KIF26B: variants seen among roughly 807,000 people sequenced by gnomAD.
The protein encoded by KIF26B is kinesin family member 26B.
A neutral mutation model predicts 151.2 loss-of-function variants in KIF26B; 63 were observed. That is an observed-to-expected ratio of 0.42 (90% confidence interval 0.34 to 0.51). KIF26B has a LOEUF of 0.51. KIF26B is among the 20% of genes least tolerant of loss of function. KIF26B has a pLI of 0.07. For missense variants in KIF26B, 2,813 were observed against 2,913.6 expected (o/e 0.97, Z 0.79); for synonymous variants, 1,357 against 1,262.1 (o/e 1.08, Z -1.59).
chr1:245,571,282 C>G (rs1278040323), intron 5 of KIF26B, among the ~76,000 whole-genome samples: 1 of 152,146 alleles, frequency 6.6e-6, no homozygotes, highest in Non-Finnish European at 1.5e-5. Flanking sequence ...GGGCTCCCCT[C>G]CCAAGCCCCA....
intron 10 of KIF26B, among the ~76,000 whole-genome samples, chr1:245,666,790 C>T (rs1240855786): frequency 2.6e-5 from 4 of 151,946 alleles, no homozygotes; most frequent in Non-Finnish European, 5.9e-5. Context: ...TCAAATATCC[C>T]GTTGGGATCA....
chr1:245,346,001 C>T (rs1172907607), intron 2 of KIF26B, among the ~76,000 whole-genome samples: 2 of 148,524 alleles, frequency 1.3e-5, no homozygotes, highest in African/African-American at 2.5e-5. Flanking sequence ...GGCATGATCT[C>T]GGCTCACTGC....
intron 2 of KIF26B, among the ~76,000 whole-genome samples, chr1:245,224,361 C>T (rs1005437157): frequency 6.6e-6 from 1 of 152,110 alleles, no homozygotes; most frequent in African/African-American, 2.4e-5. Context: ...CGTAGTAGCA[C>T]GATTGTCTTC....
intron 4 of KIF26B, among the ~76,000 whole-genome samples, chr1:245,484,085 C>T (rs56389949): frequency 0.015 from 2,246 of 151,836 alleles, 67 homozygotes; most frequent in African/African-American, 0.051. Flanking sequence ...GCTGATCCCA[C>T]GCCATTTTTT....
At chr1:245,647,328 G>A (rs1236723295) in intron 10 of KIF26B, among the ~76,000 whole-genome samples, 1 of 150,802 alleles carries the variant, frequency 6.6e-6, no homozygotes, top group Non-Finnish European at 1.5e-5. Context: ...AGGAGGCTGA[G>A]GCAGGAGAAT....
chr1:245,682,999 A>G (rs2044459232), intron 10 of KIF26B, among the ~76,000 whole-genome samples: 3 of 152,186 alleles, frequency 2.0e-5, no homozygotes. Flanking sequence ...ATATTCTTAC[A>G]TTGCTCTGGA....
intron 4 of KIF26B, among the ~76,000 whole-genome samples, chr1:245,449,602 G>A (rs921351528): frequency 5.3e-5 from 8 of 152,174 alleles, no homozygotes; most frequent in African/African-American, 1.9e-4. Flanking sequence ...AAGTGAATAT[G>A]AGCTGGGAAG....
chr1:245,189,511 G>A (rs1212151894), intron 2 of KIF26B, among the ~76,000 whole-genome samples: 2 of 152,214 alleles, frequency 1.3e-5, no homozygotes, highest in Non-Finnish European at 2.9e-5. Context: ...ACAATTGGAT[G>A]TGCTGGAAAT....
intron 2 of KIF26B, among the ~76,000 whole-genome samples, chr1:245,157,187 C>CTG (rs991236802): frequency 6.6e-6 from 1 of 152,232 alleles, no homozygotes; most frequent in Non-Finnish European, 1.5e-5. Context: ...CCTTCTCAGT[C>CTG]TGTGTGTGTG....
At chr1:245,223,633 A>G (rs1283917710) in intron 2 of KIF26B, among the ~76,000 whole-genome samples, 1 of 152,228 alleles carries the variant, frequency 6.6e-6, no homozygotes, top group Non-Finnish European at 1.5e-5. Flanking sequence ...GAATAACAAC[A>G]GATGCACGCT....
At chr1:245,326,237 C>T (rs1671988623) in intron 2 of KIF26B, among the ~76,000 whole-genome samples, 1 of 152,196 alleles carries the variant, frequency 6.6e-6, no homozygotes, top group Non-Finnish European at 1.5e-5. Flanking sequence ...AGTTTATCTC[C>T]TGACTTCCTT....
At chr1:245,465,612 G>A (rs552826736) in intron 4 of KIF26B, among the ~76,000 whole-genome samples, 2 of 152,298 alleles carry the variant, frequency 1.3e-5, no homozygotes, top group East Asian at 3.9e-4. Flanking sequence ...CAGCTCTCTA[G>A]AGTCACCAAC....
In KIF26B at chr1:245,320,505, G is replaced by A. The variant is rs540583802; in HGVS notation, c.466-46329G>A. Among the ~76,000 whole-genome samples, 4 of 152,206 alleles carry A rather than the reference G, an allele frequency of 2.6e-5. No homozygotes were observed. The South Asian group carries it at 8.3e-4, about 32-fold the overall frequency. ...TAACTAAAGTTTATAGTTTATGTTA[G>A]GGTTCACTCTTTGTCTTGTACATTG... On this transcript the variant is annotated intron_variant, in intron 2 of 14. Coordinates refer to ENST00000407071, the MANE Select transcript of KIF26B (RefSeq NM_018012.4).
intron 4 of KIF26B, among the ~76,000 whole-genome samples, chr1:245,507,101 C>T (rs1026110012): frequency 6.6e-6 from 1 of 152,182 alleles, no homozygotes; most frequent in Non-Finnish European, 1.5e-5. Context: ...ACTGACACCT[C>T]TAGAGATAAA....
intron 3 of KIF26B, among the ~76,000 whole-genome samples, chr1:245,381,453 G>A (rs187817120): frequency 8.5e-5 from 13 of 152,266 alleles, no homozygotes; most frequent in Admixed American, 6.5e-5. Context: ...ACACGAGTTC[G>A]TAAATTTTCT....
At chr1:245,478,549 T>C (rs2363900) in intron 4 of KIF26B, among the ~76,000 whole-genome samples, 117,682 of 149,844 alleles carry the variant, frequency 0.79, 46,589 homozygotes, top group Non-Finnish European at 0.79. Context: ...TGCCTCAGCC[T>C]CCCGAGTAGC....
At chr1:245,344,426 C>T (rs1421879595) in intron 2 of KIF26B, among the ~76,000 whole-genome samples, 4 of 136,530 alleles carry the variant, frequency 2.9e-5, no homozygotes, top group African/African-American at 5.4e-5. Flanking sequence ...ACCCGGAGGG[C>T]GGAGCCTGCA....
intron 9 of KIF26B, among the ~76,000 whole-genome samples, chr1:245,630,620 A>G (rs2043771125): frequency 1.3e-5 from 2 of 152,262 alleles, no homozygotes; most frequent in South Asian, 4.1e-4. Flanking sequence ...ATTAGGACAA[A>G]TACCTAATGC....
At chr1:245,330,929 G>C (rs960384791) in intron 2 of KIF26B, among the ~76,000 whole-genome samples, 3 of 151,868 alleles carry the variant, frequency 2.0e-5, no homozygotes, top group African/African-American at 7.3e-5. Flanking sequence ...AATGAGGTGC[G>C]GGAAGTCCCC....
Sources: gnomAD v4.1 joint callset for allele counts (sites outside exome capture counted in the v4.1 genomes callset) on GRCh38, gnomAD v4.1.1 for gene constraint, MANE v1.5 for transcripts, NCBI Gene and HGNC (gene_info 2026-07-23, HGNC 2026-07-21) for gene names.